TBC1D20: variants seen among roughly 807,000 people sequenced by gnomAD.
TBC1D20 encodes TBC1 domain family member 20.
In TBC1D20, 12 loss-of-function variants were observed where a neutral mutation model predicts 41.6. The observed-to-expected ratio is 0.29, with a 90% CI of 0.18 to 0.47. The LOEUF (loss-of-function observed/expected upper bound fraction) is 0.47, where lower values mean the gene tolerates loss of function less well. Among genes scored for constraint, TBC1D20 ranks in the 20% least tolerant of loss-of-function variants. The pLI, the probability that TBC1D20 is intolerant of heterozygous loss-of-function variation, is 1.00. For missense variants in TBC1D20, 421 were observed against 517.4 expected (o/e 0.81, Z 1.81); for synonymous variants, 205 against 204.8 (o/e 1.00, Z -0.01).
chr20:441,968 G>C lies in TBC1D20; in HGVS notation c.413C>G (p.Pro138Arg). ...GTAGCCCTGGTAGTAGTGCAGCTGAGGGTTGCGCTCCAAGATGAGGAGGAT... is the reference window on the plus strand; with the variant it reads ...GTAGCCCTGGTAGTAGTGCAGCTGACGGTTGCGCTCCAAGATGAGGAGGAT... ...DIILLILERNPQLHYYQGYHD... is the reference protein window; with the variant it reads ...DIILLILERNRQLHYYQGYHD... Residue 138 changes from proline to arginine, a missense_variant, in exon 4 of 8, where the codon CCT becomes CGT. Physicochemically the swap from Pro to Arg is moderately radical, Grantham distance 103. This residue lies in a region of TBC1D20 where 110 missense variants were observed against 183.5 expected (regional missense o/e 0.60). Transcript: ENST00000354200. 3 of 1,614,072 alleles carry C rather than the reference G, an allele frequency of 1.9e-6. No individual in the cohort carries two copies. Among genetic ancestry groups the C allele is most frequent in the Non-Finnish European group, 2.5e-6 (3 of 1,180,014 alleles).
Position 439,174 on chromosome 20 carries a change from T to C in TBC1D20, c.890A>G (p.Asp297Gly). 2 of 1,613,996 alleles carry C rather than the reference T, an allele frequency of 1.2e-6. No individual in the cohort carries two copies. The highest frequency in any genetic ancestry group is 8.5e-7 in the Non-Finnish European group (1 of 1,179,966). The change falls in exon 7 of 8, where the codon GAC becomes GGC. Residue 297 changes from aspartate to glycine, a missense_variant. Transcript: ENST00000354200. This position sits in a 1 kb window ranked among gnomAD's most constrained non-coding sequence, Gnocchi z 4.6. The stretch of plus-strand genomic sequence containing the variant: ...GGATGGGGGAAACTGAACAAAAAGG[T>C]CTCCTGCTCTGCTGATCAGTGTCTC... ...PYETLISRAG[D>G]LFVQFPPSEL...
At chr20:451,892 T>C (rs1433721220) in intron 1 of TBC1D20, among the ~76,000 whole-genome samples, 31 of 152,220 alleles carry the variant, frequency 2.0e-4, no homozygotes, top group Admixed American at 2.0e-3. Flanking sequence ...ATTAGGACAA[T>C]CAGCATAACC....
intron 3 of TBC1D20, among the ~76,000 whole-genome samples, chr20:443,267 G>A (rs891199620): frequency 2.0e-5 from 3 of 152,098 alleles, no homozygotes; most frequent in Admixed American, 6.5e-5. Context: ...CAAAGCAAAC[G>A]TTACAGGAAA....
intron 2 of TBC1D20, among the ~76,000 whole-genome samples, chr20:446,744 T>G (rs2017339755): frequency 6.6e-6 from 1 of 152,014 alleles, no homozygotes; most frequent in Admixed American, 6.6e-5. Flanking sequence ...CAAGTAATCC[T>G]GCCTCATCCT....
chr20:450,491 T>C (rs2017425109), intron 1 of TBC1D20, among the ~76,000 whole-genome samples: 1 of 152,096 alleles, frequency 6.6e-6, no homozygotes, highest in Non-Finnish European at 1.5e-5. Flanking sequence ...TACTTGGGTT[T>C]CCAGTGTGGC....
rs955468697 is a variant in TBC1D20 at position 436,662 on chromosome 20, G to A, written c.*1924C>T. The A allele has an allele frequency of 3.3e-5, 5 of 153,652 alleles. No individual in the cohort carries two copies. Among genetic ancestry groups the A allele is most frequent in the African/African-American group, 9.7e-5 (4 of 41,400 alleles). 9.5% of individuals were successfully genotyped at this position (153,652 alleles called of 1,614,324 possible). On this transcript the variant is annotated 3_prime_UTR_variant, in exon 8 of 8. Transcript: ENST00000354200. ...GGCCAGCTTGCTTTGGGAGAGCACT[G>A]GGAATATCTGCCGCATCATCACCTC...
intron 1 of TBC1D20, among the ~76,000 whole-genome samples, chr20:461,576 G>C (rs557913915): frequency 2.2e-4 from 34 of 152,308 alleles, no homozygotes; most frequent in Non-Finnish European, 4.4e-4. Context: ...TTCCCAGCCT[G>C]ATCTCGAAAT....
chr20:440,233 G>A lies in TBC1D20; in HGVS notation c.768+15C>T, dbSNP rs760714435. On this transcript the variant is annotated intron_variant, in intron 6 of 7. Transcript: ENST00000354200. ...TGATGGTGAACCCAGCTGCTGGCTCGTGGCCTGTACCTACCACGGCTGCAA... is the reference window on the plus strand; with the variant it reads ...TGATGGTGAACCCAGCTGCTGGCTCATGGCCTGTACCTACCACGGCTGCAA... The A allele has an allele frequency of 1.7e-5, 28 of 1,606,530 alleles. 1 individual carries two copies. Among genetic ancestry groups the A allele is most frequent in the Admixed American group, 5.1e-5 (3 of 58,828 alleles).
chr20:441,907 G>A lies in TBC1D20; in HGVS notation c.474C>T (p.Gly158=). 2.5e-6 allele frequency: 4 copies of A among 1,613,994 alleles called. No homozygotes were observed. The highest frequency in any genetic ancestry group is 3.4e-6 in the Non-Finnish European group (4 of 1,180,010). ...DIVVTFLLVV[G]ERLATSLVEK... is the part of the protein sequence containing the mutation. ...CTACCAGGGATGTTGCCAGCCTCTC[G>A]CCTACCACCAGCAGAAATGTGACCA... The change falls in exon 4 of 8, where the codon GGC becomes GGT. Residue 158 remains glycine (G), a synonymous_variant. Transcript: ENST00000354200.
chr20:456,074 T>C (rs1013196578), intron 1 of TBC1D20, among the ~76,000 whole-genome samples: 3 of 152,162 alleles, frequency 2.0e-5, no homozygotes, highest in Non-Finnish European at 4.4e-5. Context: ...CCCCAGGATT[T>C]GGAGAGCAAC....
At position 445,077 on chromosome 20, in the gene TBC1D20, G is replaced by T. The variant is rs758233100; in HGVS notation, c.310C>A (p.Arg104=). 6.2e-6 allele frequency: 10 copies of T among 1,605,774 alleles called. No individual in the cohort carries two copies. In the Admixed American group the frequency reaches 1.7e-4, roughly 27 times the overall value. Residue 104 remains arginine, a synonymous_variant, in exon 3 of 8, where the codon CGG becomes AGG. Coordinates refer to ENST00000354200, the MANE Select transcript of TBC1D20 (RefSeq NM_144628.4). ...KDYQQVLLDV[R]RSLRRFPPGM... ...GGAGGGAACCGCCGCAATGACCGCC[G>T]GACGTCCAGCAACACTTGTTGGTAG...
chr20:438,724 G>A lies in TBC1D20; in HGVS notation c.1074C>T (p.Val358=). ...LLRPEDRTKD[V]LTKPRTNRFV... ...AGCGGTTGGTCCTTGGCTTGGTCAG[G>A]ACATCTTTTGTTCGATCTTCAGGCC... The change falls in exon 8 of 8, where the codon GTC becomes GTT. Residue 358 remains valine, a synonymous_variant. Transcript: ENST00000354200. The A allele has an allele frequency of 6.2e-7, 1 of 1,614,198 alleles. No individual in the cohort carries two copies. Among genetic ancestry groups the A allele is most frequent in the East Asian group, 2.2e-5 (1 of 44,892 alleles).
Position 447,981 on chromosome 20 carries a change from A to G in TBC1D20, c.164T>C (p.Ile55Thr). 1 of 1,614,202 alleles carries G rather than the reference A, an allele frequency of 6.2e-7. No homozygotes were observed. Among genetic ancestry groups the G allele is most frequent in the Non-Finnish European group, 8.5e-7 (1 of 1,180,028 alleles). ...TDVAALRRMA[I>T]SEGGLLTDEI... is the part of the protein sequence containing the mutation. ...ATCAGTCAGGAGCCCTCCTTCACTG[A>G]TAGCCATGCGTCTAAGGGCAGCCAC... is the stretch of plus-strand genomic sequence containing the variant. Residue 55 changes from isoleucine (I) to threonine (T), a missense_variant, in exon 2 of 8, where the codon ATC becomes ACC. By Grantham distance (89) the Ile-to-Thr change is moderately conservative (BLOSUM62 -1). This residue lies in a region of TBC1D20 where 150 missense variants were observed against 151.3 expected (regional missense o/e 0.99). Coordinates refer to ENST00000354200, the MANE Select transcript of TBC1D20 (RefSeq NM_144628.4).
Position 462,406 on chromosome 20 carries a change from G to GC in TBC1D20, c.-2dup. 8.2e-7 allele frequency: 1 copy of GC among 1,226,744 alleles called. No homozygotes were observed. The highest frequency in any genetic ancestry group is 1.0e-6 in the Non-Finnish European group (1 of 977,132). The allele number at this position is 1,226,744 out of a possible 1,614,324, so 76.0% of individuals were successfully genotyped here. A position where few individuals can be genotyped will look rare whatever the true frequency, so the allele number is the denominator to read the frequency against. On this transcript the variant is annotated 5_prime_UTR_variant, in exon 1 of 8. Coordinates refer to ENST00000354200, the MANE Select transcript of TBC1D20 (RefSeq NM_144628.4). ...CGCCCTGCGCACTCCGGAGGGCCAT[G>GC]CCCCGGGGCCCCGGGCCCCCACCCG... is the stretch of plus-strand genomic sequence containing the variant.
chr20:445,522 C>G (rs576893831), intron 2 of TBC1D20, among the ~76,000 whole-genome samples: 1 of 149,496 alleles, frequency 6.7e-6, no homozygotes, highest in South Asian at 2.1e-4. Flanking sequence ...GTGGGAACAA[C>G]AGACCACTGA....
intron 1 of TBC1D20, among the ~76,000 whole-genome samples, chr20:460,914 G>A (rs913658864): frequency 5.3e-5 from 8 of 152,164 alleles, no homozygotes; most frequent in Admixed American, 5.2e-4. Context: ...GACCCATGCT[G>A]CCTAGGGCAT....
Position 462,396 on chromosome 20 carries a change from G to A in TBC1D20, c.10C>T (p.Arg4Trp). The change falls in exon 1 of 8, where the codon CGG becomes TGG. Residue 4 changes from arginine (R) to tryptophan (W), a missense_variant. Physicochemically the swap from Arg to Trp is moderately radical, Grantham distance 101. Coordinates refer to ENST00000354200, the MANE Select transcript of TBC1D20 (RefSeq NM_144628.4). MAL[R>W]SAQGDGPTSG... ...GTGGGGCCGTCGCCCTGCGCACTCCGGAGGGCCATGCCCCGGGGCCCCGGG... is the reference window on the plus strand; with the variant it reads ...GTGGGGCCGTCGCCCTGCGCACTCCAGAGGGCCATGCCCCGGGGCCCCGGG... 4 of 1,274,150 alleles carry A rather than the reference G, an allele frequency of 3.1e-6. No homozygotes were observed. The highest frequency in any genetic ancestry group is 2.2e-5 in the South Asian group (1 of 45,966). The allele number at this position is 1,274,150 out of a possible 1,614,324, so 78.9% of individuals were successfully genotyped here.
At position 438,494 on chromosome 20, in the gene TBC1D20, AC is replaced by A; in HGVS notation, c.*91del. The stretch of plus-strand genomic sequence containing the variant: ...CAGGAATAAAAAACTCTGGACAGAA[AC>A]CCTTTTAATAAAGGAAATTCCACCC... On this transcript the variant is annotated 3_prime_UTR_variant, in exon 8 of 8. Coordinates refer to ENST00000354200, the MANE Select transcript of TBC1D20 (RefSeq NM_144628.4). The A allele has an allele frequency of 6.9e-7, 1 of 1,448,556 alleles. No individual in the cohort carries two copies. Among genetic ancestry groups the A allele is most frequent in the Non-Finnish European group, 9.4e-7 (1 of 1,068,662 alleles). The allele number at this position is 1,448,556 out of a possible 1,614,324, so 89.7% of individuals were successfully genotyped here.
chr20:442,727 G>T (rs1366790561), intron 3 of TBC1D20, among the ~76,000 whole-genome samples: 5 of 152,166 alleles, frequency 3.3e-5, no homozygotes, highest in African/African-American at 1.2e-4. Flanking sequence ...TGTCATGTTT[G>T]CAACTTACTC....
Sources: allele counts gnomAD v4.1 joint callset (sites outside exome capture counted in the v4.1 genomes callset), GRCh38; gene constraint gnomAD v4.1.1; regional missense constraint gnomAD v4.1.1; non-coding constraint Gnocchi (gnomAD v3.1); transcripts MANE v1.5; gene names NCBI Gene and HGNC (gene_info 2026-07-23, HGNC 2026-07-21).